VIL1: variants seen among roughly 807,000 people sequenced by gnomAD.
VIL1 encodes the protein villin 1, also known as villin-1.
Under a neutral mutation model 104.0 loss-of-function variants are expected in VIL1, and 86 were observed. The observed-to-expected ratio is 0.83, with a 90% CI of 0.69 to 0.99. The LOEUF is 0.99. VIL1 is among the 50% of genes least tolerant of loss of function. VIL1 has a pLI of 0.00. For missense variants in VIL1, 944 were observed against 1,054.1 expected, an observed-to-expected ratio of 0.90 and a Z score of 1.45; for synonymous variants, 394 against 412.6, an observed-to-expected ratio of 0.95 and a Z score of 0.55.
At chr2:218,427,157 TCTCTA>T (rs1689015656) in intron 4 of VIL1, among the ~76,000 whole-genome samples, 1 of 152,172 alleles carries the variant, frequency 6.6e-6, no homozygotes, top group African/African-American at 2.4e-5. Flanking sequence ...GGCTGAGGGC[TCTCTA>T]ATTAGCCACA....
At chr2:218,420,155 T>G (rs1270373522) in intron 1 of VIL1, among the ~76,000 whole-genome samples, 1 of 151,918 alleles carries the variant, frequency 6.6e-6, no homozygotes, top group Admixed American at 6.6e-5. Flanking sequence ...GTGGGCCAGG[T>G]GCAGAGCCTC....
chr2:218,435,245 G>A (rs760802951), intron 14 of VIL1, 44 bp from the exon 15 acceptor site: 2 of 1,599,054 alleles, frequency 1.3e-6, no homozygotes, highest in Admixed American at 3.4e-5. Context: ...GGAGGGTGGA[G>A]GTAGGGGTGG....
At position 218,446,527 on chromosome 2, in the gene VIL1, G is replaced by A. The variant is rs537943493; in HGVS notation, c.2371-2696G>A. ...TGGGATTACAGGTATGAGCCACTAC[G>A]CCTGGCCAACAAGTTGCCTTTTAAC... is the stretch of plus-strand genomic sequence containing the variant. On this transcript the variant is annotated intron_variant, in intron 19 of 19. Transcript: ENST00000248444. Among the ~76,000 whole-genome samples the A allele has an allele frequency of 2.0e-5, 3 of 152,078 alleles. No individual in the cohort carries two copies. The East Asian group carries it at 5.8e-4, about 30-fold the overall frequency.
At chr2:218,435,548 GCACTGTGCCAGA>G in intron 15 of VIL1, 114 bp downstream of exon 15, 2 of 1,400,508 alleles carry the variant, frequency 1.4e-6, no homozygotes, top group Non-Finnish European at 1.9e-6. Context: ...TGTGTGTCAG[GCACTGTGCCAGA>G]CCCCCAGGGC....
In VIL1 at chr2:218,449,546, C is replaced by T; in HGVS notation, c.*210C>T. 1 of 470,838 alleles carries T rather than the reference C, an allele frequency of 2.1e-6. No individual in the cohort carries two copies. The highest frequency in any genetic ancestry group is 3.3e-5 in the Admixed American group (1 of 30,130). The allele number at this position is 470,838 out of a possible 1,614,324, so 29.2% of individuals were successfully genotyped here. On this transcript the variant is annotated 3_prime_UTR_variant, in exon 20 of 20. Coordinates refer to ENST00000248444, the MANE Select transcript of VIL1 (RefSeq NM_007127.3). ...AAGGAGCCTATGGTCCTCATTTCAA[C>T]TTCTAAGGTCGCTAGATTGTTTCTA...
rs765722540 is a variant in VIL1 at position 218,428,315 on chromosome 2, G to A, written c.545G>A (p.Ser182Asn). The A allele has an allele frequency of 3.1e-6, 5 of 1,614,144 alleles. No homozygotes were observed. Among genetic ancestry groups the A allele is most frequent in the South Asian group, 1.1e-5 (1 of 91,074 alleles). ...KLIIQWNGPE[S>N]TRMERLRGMT... ...ATCATCCAGTGGAATGGACCGGAAA[G>A]CACCCGTATGGAGAGACTCAGGGTA... Residue 182 changes from serine to asparagine, a missense_variant, in exon 6 of 20, where the codon AGC (serine) becomes AAC (asparagine). By Grantham distance (46) the Ser-to-Asn change is conservative. Coordinates refer to ENST00000248444, the MANE Select transcript of VIL1 (RefSeq NM_007127.3).
At chr2:218,438,837 T>C in intron 18 of VIL1, 111 bp downstream of exon 18, 1 of 841,338 alleles carries the variant, frequency 1.2e-6, no homozygotes, top group East Asian at 2.8e-5. Flanking sequence ...TTCCCTCCTA[T>C]TTCTCCCCCA....
At chr2:218,444,901 T>C (rs1349390146) in intron 19 of VIL1, among the ~76,000 whole-genome samples, 1 of 152,142 alleles carries the variant, frequency 6.6e-6, no homozygotes, top group Non-Finnish European at 1.5e-5. Context: ...TAGTCCCTGC[T>C]ATCTAGCCTG....
intron 6 of VIL1, 136 bp from the exon 7 acceptor site, chr2:218,429,149 C>A: frequency 2.0e-6 from 2 of 1,007,600 alleles, no homozygotes; most frequent in Non-Finnish European, 2.9e-6. Flanking sequence ...ACCCCTCCGA[C>A]GGGGAAAAGC....
At chr2:218,431,806 C>A in intron 10 of VIL1, 51 bp from the exon 11 acceptor site, 1 of 1,503,776 alleles carries the variant, frequency 6.6e-7, no homozygotes, top group Non-Finnish European at 9.2e-7. Context: ...TTGTGAGGAC[C>A]TGGGAGACCT....
rs765722540 is a variant in VIL1 at position 218,428,315 on chromosome 2, G to T, written c.545G>T (p.Ser182Ile). The change falls in exon 6 of 20, where the codon AGC (serine) becomes ATC (isoleucine). Residue 182 changes from serine (S) to isoleucine (I), a missense_variant. By Grantham distance (142) the Ser-to-Ile change is moderately radical. Transcript: ENST00000248444. Reference protein sequence around the residue: ...KLIIQWNGPESTRMERLRGMT... With the variant: ...KLIIQWNGPEITRMERLRGMT... ...ATCATCCAGTGGAATGGACCGGAAA[G>T]CACCCGTATGGAGAGACTCAGGGTA... 5 of 1,614,144 alleles carry T rather than the reference G, an allele frequency of 3.1e-6. No individual in the cohort carries two copies. The South Asian group carries it at 5.5e-5, about 18-fold the overall frequency.
intron 1 of VIL1, among the ~76,000 whole-genome samples, chr2:218,423,198 C>A (rs1688925161): frequency 6.6e-6 from 1 of 152,120 alleles, no homozygotes; most frequent in Non-Finnish European, 1.5e-5. Flanking sequence ...GAGTTTGAGA[C>A]CAGCCTGGCC....
intron 18 of VIL1, 24 bp from the exon 19 acceptor site, chr2:218,440,698 C>T: frequency 1.2e-6 from 2 of 1,613,468 alleles, no homozygotes; most frequent in Non-Finnish European, 1.7e-6. Context: ...CTAAAGTAAC[C>T]AGTGGTTTCC....
At position 218,424,363 on chromosome 2, in the gene VIL1, G is replaced by A. The variant is rs755039191; in HGVS notation, c.150+12G>A. The A allele has an allele frequency of 1.2e-6, 2 of 1,613,130 alleles. No individual in the cohort carries two copies. The highest frequency in any genetic ancestry group is 1.1e-5 in the South Asian group (1 of 91,078). ...ACATCATCCTGGCTGTGAGTCAGGG[G>A]CAGGGGAGGGGGCTGAGCAGAGAGC... is the stretch of plus-strand genomic sequence containing the variant. On this transcript the variant is annotated intron_variant, in intron 3 of 19. Transcript: ENST00000248444.
chr2:218,427,511 A>G (rs1403997109), intron 4 of VIL1, among the ~76,000 whole-genome samples: 1 of 151,856 alleles, frequency 6.6e-6, no homozygotes, highest in Non-Finnish European at 1.5e-5. Context: ...TTTTTAGTAG[A>G]GATGGGGCTT....
chr2:218,435,032 CT>C (rs1689164035), intron 14 of VIL1, among the ~76,000 whole-genome samples: 1 of 152,242 alleles, frequency 6.6e-6, no homozygotes, highest in South Asian at 2.1e-4. Context: ...GTCACTGCCT[CT>C]CCTTTGATCT....
chr2:218,432,300 C>G, intron 12 of VIL1, 117 bp downstream of exon 12: 1 of 1,457,276 alleles, frequency 6.9e-7, no homozygotes, highest in Non-Finnish European at 9.2e-7. Flanking sequence ...GGTGCTCACC[C>G]CTTCAAGAAG....
chr2:218,438,336 G>A (rs1237748737), intron 17 of VIL1, among the ~76,000 whole-genome samples: 1 of 152,192 alleles, frequency 6.6e-6, no homozygotes, highest in African/African-American at 2.4e-5. Context: ...ACATAGCCTA[G>A]GCAGGGTTCT....
At chr2:218,445,108 C>T (rs1689343373) in intron 19 of VIL1, among the ~76,000 whole-genome samples, 1 of 152,150 alleles carries the variant, frequency 6.6e-6, no homozygotes, top group African/African-American at 2.4e-5. Flanking sequence ...CTTCCAAAAC[C>T]AAGTACTCAG....
Sources: allele counts gnomAD v4.1 joint callset (sites outside exome capture counted in the v4.1 genomes callset), GRCh38; gene constraint gnomAD v4.1.1; transcripts MANE v1.5; gene names NCBI Gene and HGNC (gene_info 2026-07-23, HGNC 2026-07-21).